The following SLC20A2 variants were observed in gnomAD, a reference collection of about 807,000 sequenced individuals.
SLC20A2 encodes sodium-dependent phosphate transporter 2.
A neutral mutation model predicts 61.0 loss-of-function variants in SLC20A2; 30 were observed. That is an observed-to-expected ratio of 0.49 (90% CI 0.37 to 0.67). The LOEUF is 0.67. Ranked by LOEUF, SLC20A2 falls within the 30% of genes least tolerant of loss-of-function variation. The pLI is 0.00. For missense variants in SLC20A2, 626 were observed against 866.4 expected, an observed-to-expected ratio of 0.72 and a Z score of 3.48; for synonymous variants, 351 against 353.3, an observed-to-expected ratio of 0.99 and a Z score of 0.07.
intron 1 of SLC20A2, among the ~76,000 whole-genome samples, chr8:42,478,314 C>A (rs909408873): frequency 3.4e-5 from 5 of 149,032 alleles, no homozygotes; most frequent in African/African-American, 9.8e-5. Context: ...CAGGTTCAAG[C>A]AATTCTCCTG....
intron 10 of SLC20A2, among the ~76,000 whole-genome samples, chr8:42,421,040 T>TTG (rs1292222393): frequency 1.3e-5 from 2 of 152,250 alleles, no homozygotes; most frequent in Admixed American, 6.5e-5. Flanking sequence ...AGTAAAATCC[T>TTG]GTTCAGGTTG....
At chr8:42,448,024 G>A (rs868013273) in intron 5 of SLC20A2, among the ~76,000 whole-genome samples, 10 of 152,234 alleles carry the variant, frequency 6.6e-5, no homozygotes, top group Non-Finnish European at 1.2e-4. Context: ...GCTTCCCAGC[G>A]TCTGCTGTCC....
chr8:42,420,075 AC>A (rs1167774176), intron 10 of SLC20A2, among the ~76,000 whole-genome samples: 17 of 152,054 alleles, frequency 1.1e-4, no homozygotes, highest in African/African-American at 4.1e-4. Flanking sequence ...AGTCCCAGCT[AC>A]TTGGGTGGCT....
chr8:42,454,218 G>A (rs937424823), intron 5 of SLC20A2, among the ~76,000 whole-genome samples: 4 of 152,130 alleles, frequency 2.6e-5, no homozygotes, highest in African/African-American at 9.7e-5. Flanking sequence ...TAGCAAGGAT[G>A]GTCTCGATCT....
intron 2 of SLC20A2, 136 bp downstream of exon 2, chr8:42,471,964 TAA>T (rs2131225744): frequency 1.4e-6 from 1 of 708,684 alleles, no homozygotes; most frequent in African/African-American, 1.8e-5. Flanking sequence ...AAAGCAAAAA[TAA>T]GAGAGTAAAT....
intron 3 of SLC20A2, among the ~76,000 whole-genome samples, chr8:42,464,092 CTTTTTTTTTTTTTTTTTTTTT>C (rs1170751054): frequency 9.7e-4 from 20 of 20,554 alleles, no homozygotes; most frequent in Admixed American, 2.2e-3. Flanking sequence ...GCTGGATGAT[CTTTTTTTTTTTTTTTTTTTTT>C]TTTTTTTTTT....
rs1017355560 is a variant in SLC20A2, at chr8:42,463,358, G to A, written c.431-268C>T. ...GTCAAGAAACCCCTGCCCCAAGCTC[G>A]GGCCTCAGAAGACAGCATCCTGAGT... On this transcript the variant is annotated intron_variant, in intron 3 of 10. Coordinates refer to ENST00000520262, the MANE Select transcript of SLC20A2 (RefSeq NM_001257180.2). The A allele has an allele frequency of 5.6e-5, 15 of 269,970 alleles. 1 individual carries two copies. Among genetic ancestry groups the A allele is most frequent in the East Asian group, 4.2e-4 (6 of 14,140 alleles). 16.7% of individuals were successfully genotyped at this position (269,970 alleles called of 1,614,324 possible). A position where few individuals can be genotyped will look rare whatever the true frequency, so the allele number is the denominator to read the frequency against.
chr8:42,529,331 AAATAAAATGTAATAC>A (rs1160299811), intron 1 of SLC20A2, among the ~76,000 whole-genome samples: 1 of 152,190 alleles, frequency 6.6e-6, no homozygotes, highest in Non-Finnish European at 1.5e-5. Flanking sequence ...ATTTTGAAAA[AAATAAAATGTAATAC>A]AACCAATCTG....
chr8:42,489,485 T>TTA, intron 1 of SLC20A2, among the ~76,000 whole-genome samples: 1 of 143,172 alleles, frequency 7.0e-6, no homozygotes, highest in Middle Eastern at 3.5e-3. Context: ...TTTACATGTC[T>TTA]TATAATTTTT....
intron 5 of SLC20A2, among the ~76,000 whole-genome samples, chr8:42,458,186 G>T (rs141211134): frequency 6.6e-6 from 1 of 152,142 alleles, no homozygotes; most frequent in African/African-American, 2.4e-5. Context: ...TGTAGGAGGC[G>T]CATCTCACAA....
intron 5 of SLC20A2, among the ~76,000 whole-genome samples, chr8:42,446,389 T>C (rs1403712082): frequency 1.3e-5 from 2 of 152,250 alleles, no homozygotes; most frequent in Non-Finnish European, 2.9e-5. Context: ...CACATTCATA[T>C]GTGCACAACT....
intron 1 of SLC20A2, among the ~76,000 whole-genome samples, chr8:42,474,397 T>A (rs1807893938): frequency 6.6e-6 from 1 of 151,932 alleles, no homozygotes; most frequent in South Asian, 2.1e-4. Flanking sequence ...AAACAGAAAA[T>A]ATACATTGAT....
chr8:42,464,995 CAACAAAACAT>C (rs1320184313), intron 3 of SLC20A2, among the ~76,000 whole-genome samples: 1 of 152,050 alleles, frequency 6.6e-6, no homozygotes, highest in East Asian at 1.9e-4. Flanking sequence ...CAAAACAAAA[CAACAAAACAT>C]AACAAAACAA....
intron 4 of SLC20A2, among the ~76,000 whole-genome samples, chr8:42,460,326 G>A (rs1659295787): frequency 1.3e-5 from 2 of 152,210 alleles, no homozygotes; most frequent in African/African-American, 4.8e-5. Context: ...AAAGCCCAGA[G>A]CTCAGCATCT....
chr8:42,422,732 C>T (rs1803130826), intron 10 of SLC20A2, among the ~76,000 whole-genome samples: 1 of 152,098 alleles, frequency 6.6e-6, no homozygotes, highest in Non-Finnish European at 1.5e-5. Context: ...TTTTCTACTT[C>T]TTAGGCCAAT....
chr8:42,464,123 T>TTTTTTTTTTTC (rs869138901), intron 3 of SLC20A2, among the ~76,000 whole-genome samples: 1 of 116,936 alleles, frequency 8.6e-6, no homozygotes, highest in Non-Finnish European at 1.7e-5. Flanking sequence ...TTTTTTTTTT[T>TTTTTTTTTTTC]GAGACAGGGT....
intron 2 of SLC20A2, 126 bp downstream of exon 2, chr8:42,471,976 T>C: frequency 2.6e-6 from 2 of 781,752 alleles, no homozygotes; most frequent in Non-Finnish European, 4.2e-6. Context: ...AGAGAGTAAA[T>C]GTGAAACATC....
At chr8:42,537,374 A>G (rs1012905524) in intron 1 of SLC20A2, among the ~76,000 whole-genome samples, 16 of 150,034 alleles carry the variant, frequency 1.1e-4, no homozygotes, top group Non-Finnish European at 1.2e-4. Context: ...CTGTCTCAAA[A>G]AAAAAAAAAA....
chr8:42,467,371 TG>T (rs983090315), intron 2 of SLC20A2, among the ~76,000 whole-genome samples: 65 of 152,318 alleles, frequency 4.3e-4, no homozygotes, highest in African/African-American at 1.5e-3. Flanking sequence ...GATCAGATTT[TG>T]TAGTGAGTAT....
Sources: gnomAD v4.1 joint callset for allele counts (sites outside exome capture counted in the v4.1 genomes callset) on GRCh38, gnomAD v4.1.1 for gene constraint, MANE v1.5 for transcripts, NCBI Gene and HGNC (gene_info 2026-07-23, HGNC 2026-07-21) for gene names.